The following NLGN1 variants were observed in gnomAD, a reference collection of about 807,000 sequenced individuals.
NLGN1 encodes the protein neuroligin-1.
A neutral mutation model predicts 65.5 loss-of-function variants in NLGN1; 12 were observed. The observed-to-expected ratio is 0.18, with a 90% CI of 0.12 to 0.30. The LOEUF is 0.30. NLGN1 is among the 10% of genes least tolerant of loss of function. The pLI is 1.00. For synonymous variants in NLGN1, 350 were observed against 359.5 expected (o/e 0.97, Z 0.30); for missense variants, 750 against 1,007.1 (o/e 0.74, Z 3.46).
At chr3:173,886,264 C>A (rs777223887) in intron 4 of NLGN1, among the ~76,000 whole-genome samples, 1 of 151,958 alleles carries the variant, frequency 6.6e-6, no homozygotes, top group Non-Finnish European at 1.5e-5. Context: ...GTAAGTACTT[C>A]AAAATTATAA....
exon 4 of NLGN1, chr3:173,807,817 C>A: frequency 6.2e-7 from 1 of 1,613,342 alleles, no homozygotes; most frequent in Non-Finnish European, 8.5e-7. Flanking sequence ...AGTCAACTAT[C>A]GACTTGGAGT....
chr3:174,007,775 G>A (rs1724736454), intron 4 of NLGN1, among the ~76,000 whole-genome samples: 1 of 152,164 alleles, frequency 6.6e-6, no homozygotes, highest in African/African-American at 2.4e-5. Flanking sequence ...TTTTATCACA[G>A]TGCATATCTG....
In NLGN1 at chr3:173,767,817, A is replaced by G. The variant is rs80337149; in HGVS notation, c.494-39863A>G. On this transcript the variant is annotated intron_variant, in intron 3 of 6. Coordinates refer to ENST00000457714, the Ensembl canonical transcript of NLGN1. ...ATAAATTATAGTTTAAGGTCTTGAA[A>G]TGCGTCTAGACAAATCATTTGTCAA... is the stretch of plus-strand genomic sequence containing the variant. Among the ~76,000 whole-genome samples, 1,152 of 152,204 alleles carry G rather than the reference A, an allele frequency of 7.6e-3. 14 individuals carry two copies. The highest frequency in any genetic ancestry group is 0.027 in the African/African-American group (1,108 of 41,562).
intron 4 of NLGN1, among the ~76,000 whole-genome samples, chr3:174,042,038 A>T (rs1732435185): frequency 6.6e-6 from 1 of 151,976 alleles, no homozygotes; most frequent in Non-Finnish European, 1.5e-5. Context: ...TGGGTGACAG[A>T]GTGAGAGTCT....
intron 4 of NLGN1, among the ~76,000 whole-genome samples, chr3:173,825,852 G>A (rs1424639617): frequency 1.3e-5 from 2 of 151,954 alleles, no homozygotes; most frequent in Non-Finnish European, 2.9e-5. Flanking sequence ...ATCCTTAACT[G>A]TGATTTTGGT....
intron 3 of NLGN1, among the ~76,000 whole-genome samples, chr3:173,617,725 T>A (rs1205300414): frequency 1.3e-5 from 2 of 152,214 alleles, no homozygotes; most frequent in Non-Finnish European, 2.9e-5. Context: ...TGCACGTTAC[T>A]GCCAGCCTTA....
intron 4 of NLGN1, among the ~76,000 whole-genome samples, chr3:174,272,680 T>C (rs1380350890): frequency 6.8e-6 from 1 of 148,120 alleles, no homozygotes; most frequent in Non-Finnish European, 1.5e-5. Context: ...GATAGATAGA[T>C]AGATAGATAG....
In NLGN1 at chr3:173,854,783, C is replaced by G. The variant is rs539927978; in HGVS notation, c.646+46951C>G. ...CATGTAGCATAGAAATAGAAGGAGA[C>G]AAGGAAAATGACATTATTCCCATGG... On this transcript the variant is annotated intron_variant, in intron 4 of 6. Transcript: ENST00000457714. 2.7e-4 allele frequency among the ~76,000 whole-genome samples: 41 copies of G among 152,070 alleles called. 1 individual carries two copies. The highest frequency in any genetic ancestry group is 9.6e-4 in the African/African-American group (40 of 41,504).
At chr3:173,530,207 G>A (rs537111144) in intron 2 of NLGN1, among the ~76,000 whole-genome samples, 8 of 152,186 alleles carry the variant, frequency 5.3e-5, no homozygotes, top group South Asian at 2.1e-4. Context: ...CTGCTGTCTC[G>A]GCCTCCCAAA....
intron 3 of NLGN1, among the ~76,000 whole-genome samples, chr3:173,666,661 ATG>A (rs1213986195): frequency 1.3e-5 from 2 of 152,118 alleles, no homozygotes; most frequent in Non-Finnish European, 2.9e-5. Context: ...TTATTTTTGG[ATG>A]TGTTGTACAT....
intron 4 of NLGN1, among the ~76,000 whole-genome samples, chr3:174,102,265 G>T (rs894863135): frequency 6.6e-6 from 1 of 151,966 alleles, no homozygotes; most frequent in Non-Finnish European, 1.5e-5. Context: ...TCACACATGG[G>T]GGGGTATAAG....
intron 3 of NLGN1, among the ~76,000 whole-genome samples, chr3:173,663,254 C>T (rs1761199410): frequency 6.6e-6 from 1 of 151,884 alleles, no homozygotes; most frequent in Non-Finnish European, 1.5e-5. Flanking sequence ...TAAAATGGAA[C>T]ATTAAGTGCT....
chr3:174,139,791 G>T (rs1347351634), intron 4 of NLGN1, among the ~76,000 whole-genome samples: 1 of 152,042 alleles, frequency 6.6e-6, no homozygotes, highest in Non-Finnish European at 1.5e-5. Flanking sequence ...TCAGTGTTCT[G>T]GATTTTGGCC....
exon 3 of NLGN1, chr3:173,604,553 C>A: frequency 1.9e-6 from 3 of 1,594,118 alleles, no homozygotes; most frequent in South Asian, 1.1e-5. Context: ...GATATAAATA[C>A]GTTTGCCTCA....
chr3:173,659,303 A>G (rs1430873077), intron 3 of NLGN1, among the ~76,000 whole-genome samples: 2 of 151,990 alleles, frequency 1.3e-5, no homozygotes, highest in Non-Finnish European at 2.9e-5. Context: ...AAAACAAACC[A>G]TATTAAAGAA....
chr3:174,002,132 A>G (rs557300194), intron 4 of NLGN1, among the ~76,000 whole-genome samples: 4 of 151,036 alleles, frequency 2.6e-5, no homozygotes, highest in Admixed American at 2.6e-4. Context: ...TGAAATCAGT[A>G]TTTTTTTAAT....
chr3:173,607,533 A>G (rs1397194959), intron 3 of NLGN1, among the ~76,000 whole-genome samples: 2 of 151,120 alleles, frequency 1.3e-5, no homozygotes, highest in Non-Finnish European at 2.9e-5. Context: ...AAAATAAACA[A>G]AAACTAAAGT....
At chr3:174,192,608 G>C (rs1299096299) in intron 4 of NLGN1, among the ~76,000 whole-genome samples, 1 of 152,092 alleles carries the variant, frequency 6.6e-6, no homozygotes, top group Non-Finnish European at 1.5e-5. Flanking sequence ...AACAATGTAG[G>C]TCCTGTCACG....
At chr3:173,981,262 A>G (rs886664875) in intron 4 of NLGN1, among the ~76,000 whole-genome samples, 10 of 152,188 alleles carry the variant, frequency 6.6e-5, no homozygotes, top group African/African-American at 2.4e-4. Context: ...GTTGATTTAG[A>G]TTATCAGCCA....
Sources: allele counts gnomAD v4.1 joint callset (sites outside exome capture counted in the v4.1 genomes callset), GRCh38; gene constraint gnomAD v4.1.1; transcripts MANE v1.5; gene names NCBI Gene and HGNC (gene_info 2026-07-23, HGNC 2026-07-21).